TTLL7: variants seen among roughly 807,000 people sequenced by gnomAD.
The protein encoded by TTLL7 is tubulin polyglutamylase TTLL7.
A neutral mutation model predicts 120.2 loss-of-function variants in TTLL7; 53 were observed. The observed-to-expected ratio is 0.44, with a 90% CI of 0.35 to 0.55. The LOEUF (loss-of-function observed/expected upper bound fraction) is 0.55. Among genes scored for constraint, TTLL7 ranks in the 20% least tolerant of loss-of-function variants. TTLL7 has a pLI of 0.00. For missense variants in TTLL7, 803 were observed against 1,054.7 expected, an observed-to-expected ratio of 0.76 and a Z score of 3.31; for synonymous variants, 353 against 351.7, an observed-to-expected ratio of 1.00 and a Z score of -0.04.
intron 1 of TTLL7, among the ~76,000 whole-genome samples, chr1:83,970,098 A>G (rs1255188560): frequency 6.6e-6 from 1 of 152,068 alleles, no homozygotes; most frequent in Non-Finnish European, 1.5e-5. Context: ...ATTTTACTAT[A>G]CATTATTGAT....
intron 18 of TTLL7, among the ~76,000 whole-genome samples, chr1:83,892,928 G>GAGAAAGAAAGAAAGAAAAGAAAGAA (rs1553129436): frequency 6.8e-5 from 7 of 102,668 alleles, no homozygotes; most frequent in African/African-American, 4.0e-4. Flanking sequence ...GAAAGAAAAA[G>GAGAAAGAAAGAAAGAAAAGAAAGAA]AGAAAGAAAG....
intron 7 of TTLL7, among the ~76,000 whole-genome samples, chr1:83,941,007 C>A (rs1647908428): frequency 6.6e-6 from 1 of 152,176 alleles, no homozygotes; most frequent in African/African-American, 2.4e-5. Context: ...TTATTCTATA[C>A]TTTAGCCAAA....
intron 18 of TTLL7, among the ~76,000 whole-genome samples, chr1:83,897,657 C>T (rs2100745195): frequency 6.6e-6 from 1 of 152,062 alleles, no homozygotes; most frequent in Admixed American, 6.6e-5. Flanking sequence ...TATTTCTGCT[C>T]ACTGTGATCC....
chr1:83,938,098 A>G, intron 7 of TTLL7, 82 bp from the exon 8 acceptor site: 1 of 1,307,986 alleles, frequency 7.6e-7, no homozygotes, highest in Non-Finnish European at 1.1e-6. Context: ...AGACACTCAA[A>G]GACTAAAGAA....
chr1:83,899,968 C>A (rs1192638320), intron 18 of TTLL7, among the ~76,000 whole-genome samples: 1 of 151,930 alleles, frequency 6.6e-6, no homozygotes, highest in Non-Finnish European at 1.5e-5. Context: ...TATATGTACT[C>A]ATTAGTAAAT....
chr1:83,873,459 A>C (rs932626890), intron 20 of TTLL7, among the ~76,000 whole-genome samples: 3 of 152,156 alleles, frequency 2.0e-5, no homozygotes, highest in Admixed American at 2.0e-4. Flanking sequence ...GGGTTTACGG[A>C]TTAAAGAATT....
At chr1:83,885,025 T>C (rs756562830) in intron 19 of TTLL7, 75 of 251,200 alleles carry the variant, frequency 3.0e-4, no homozygotes, top group African/African-American at 1.6e-3. Flanking sequence ...ATATGACACA[T>C]ACGTGTTTAT....
intron 10 of TTLL7, among the ~76,000 whole-genome samples, chr1:83,924,118 G>C (rs1658911419): frequency 6.6e-6 from 1 of 152,046 alleles, no homozygotes; most frequent in African/African-American, 2.4e-5. Flanking sequence ...ATGGCCCTGG[G>C]GATACAAAAA....
At chr1:83,871,600 A>G (rs1228601779) in intron 20 of TTLL7, among the ~76,000 whole-genome samples, 1 of 152,154 alleles carries the variant, frequency 6.6e-6, no homozygotes. Context: ...TGACATTAGA[A>G]TTCTCCAGGG....
rs559560112 is a variant in TTLL7, at chr1:83,999,057, T to C, written c.-303A>G. 9.0e-6 allele frequency: 4 copies of C among 446,910 alleles called. No individual in the cohort carries two copies. The highest frequency in any genetic ancestry group is 1.8e-5 in the Non-Finnish European group (4 of 224,418). 27.7% of individuals were successfully genotyped at this position (446,910 alleles called of 1,614,324 possible). ...TCGGCAGCCTGCACTGGTGGTCCGG[T>C]GCTCTCCTCCGCCCGCCCACCGCCC... On this transcript the variant is annotated 5_prime_UTR_variant, in exon 1 of 21. Coordinates refer to ENST00000260505, the MANE Select transcript of TTLL7 (RefSeq NM_024686.6).
intron 20 of TTLL7, among the ~76,000 whole-genome samples, chr1:83,872,465 C>A (rs1450104641): frequency 6.6e-6 from 1 of 152,134 alleles, no homozygotes; most frequent in African/African-American, 2.4e-5. Flanking sequence ...CTATCTAGGG[C>A]AAAGTTGCAA....
chr1:83,946,273 G>A (rs978136540), intron 6 of TTLL7: 6 of 151,980 alleles, frequency 3.9e-5, no homozygotes, highest in African/African-American at 1.5e-4. Context: ...GGATGGTCTC[G>A]ATCTCCTGTC....
intron 10 of TTLL7, among the ~76,000 whole-genome samples, chr1:83,923,674 T>C (rs1658871202): frequency 6.6e-6 from 1 of 152,164 alleles, no homozygotes; most frequent in Non-Finnish European, 1.5e-5. Flanking sequence ...CTTAGGAATA[T>C]TGTCATTCTA....
intron 18 of TTLL7, among the ~76,000 whole-genome samples, chr1:83,903,020 G>A (rs754225113): frequency 5.3e-5 from 8 of 151,736 alleles, no homozygotes; most frequent in Non-Finnish European, 8.8e-5. Flanking sequence ...CCACTCCCCC[G>A]GTTCTATTCT....
chr1:83,917,760 T>A (rs1263151808), intron 13 of TTLL7, 70 bp from the exon 14 acceptor site: 1 of 989,450 alleles, frequency 1.0e-6, no homozygotes, highest in African/African-American at 1.6e-5. Flanking sequence ...TTGATTAATC[T>A]CCACAAAATA....
At chr1:83,966,642 G>C (rs1380109099) in intron 1 of TTLL7, among the ~76,000 whole-genome samples, 2 of 148,556 alleles carry the variant, frequency 1.3e-5, no homozygotes, top group Non-Finnish European at 3.0e-5. Flanking sequence ...ACAGTATTTA[G>C]AATAGAAGTA....
chr1:83,966,797 T>C (rs138543103), intron 1 of TTLL7, among the ~76,000 whole-genome samples: 387 of 152,224 alleles, frequency 2.5e-3, no homozygotes, highest in African/African-American at 8.9e-3. Context: ...GACACCATTA[T>C]CACTGCTGTA....
rs1315044042 is a variant in TTLL7, at chr1:83,999,074, C to T, written c.-320G>A. On this transcript the variant is annotated 5_prime_UTR_variant, in exon 1 of 21. Coordinates refer to ENST00000260505, the MANE Select transcript of TTLL7 (RefSeq NM_024686.6). ...TGGTCCGGTGCTCTCCTCCGCCCGC[C>T]CACCGCCCGTGGCAGCCACGGCTCG... The T allele has an allele frequency of 9.0e-6, 4 of 445,570 alleles. No individual in the cohort carries two copies. The highest frequency in any genetic ancestry group is 6.4e-5 in the South Asian group (4 of 62,826). The allele number at this position is 445,570 out of a possible 1,614,324, so 27.6% of individuals were successfully genotyped here.
intron 1 of TTLL7, among the ~76,000 whole-genome samples, chr1:83,953,492 T>G (rs1393805304): frequency 6.6e-6 from 1 of 152,146 alleles, no homozygotes; most frequent in Non-Finnish European, 1.5e-5. Flanking sequence ...GTTTCAATAT[T>G]AAAGAAAATT....
Sources: allele counts gnomAD v4.1 joint callset (sites outside exome capture counted in the v4.1 genomes callset), GRCh38; gene constraint gnomAD v4.1.1; transcripts MANE v1.5; gene names NCBI Gene and HGNC (gene_info 2026-07-23, HGNC 2026-07-21).